Variants in DCAF8 observed in about 807,000 individuals in gnomAD.
DCAF8 encodes DDB1 and CUL4 associated factor 8, also known as DDB1- and CUL4-associated factor 8.
In DCAF8, 20 loss-of-function variants were observed where a neutral mutation model predicts 68.0. The observed-to-expected ratio is 0.29, with a 90% CI of 0.21 to 0.43. The LOEUF (loss-of-function observed/expected upper bound fraction) is 0.43. Ranked by LOEUF, DCAF8 falls within the 20% of genes least tolerant of loss-of-function variation. The pLI, the probability that DCAF8 is intolerant of heterozygous loss-of-function variation, is 1.00. For synonymous variants in DCAF8, 230 were observed against 276.9 expected (o/e 0.83, Z 1.68); for missense variants, 460 against 771.0 (o/e 0.60, Z 4.78).
At chr1:160,219,188 T>C (rs1009317635) in intron 11 of DCAF8, 18 of 543,970 alleles carry the variant, frequency 3.3e-5, no homozygotes, top group Middle Eastern at 9.9e-4. Flanking sequence ...ATTTCCTATG[T>C]ATAGGTCGGG....
chr1:160,237,001 A>T, intron 6 of DCAF8, 134 bp downstream of exon 6: 1 of 563,228 alleles, frequency 1.8e-6, no homozygotes, highest in Non-Finnish European at 3.1e-6. Context: ...AATTCCCCTT[A>T]ACCTTAAACT....
At chr1:160,223,183 C>A (rs1020606107) in intron 10 of DCAF8, among the ~76,000 whole-genome samples, 1 of 152,216 alleles carries the variant, frequency 6.6e-6, no homozygotes, top group Non-Finnish European at 1.5e-5. Flanking sequence ...ATCAGCTGAT[C>A]TGAGACTGAT....
chr1:160,237,473 C>T (rs1340667089), intron 5 of DCAF8, among the ~76,000 whole-genome samples: 1 of 152,200 alleles, frequency 6.6e-6, no homozygotes, highest in African/African-American at 2.4e-5. Context: ...GCTATTTCAA[C>T]TAAGTCCTCA....
At chr1:160,224,679 T>C (rs1655409412) in intron 9 of DCAF8, 130 bp from the exon 10 acceptor site, 3 of 701,180 alleles carry the variant, frequency 4.3e-6, no homozygotes, top group South Asian at 1.7e-5. Context: ...CCCATCTTAT[T>C]TGGAACACCA....
chr1:160,262,094 TTGGGGG>T, intron 1 of DCAF8: 1 of 370,098 alleles, frequency 2.7e-6, no homozygotes, highest in Admixed American at 4.6e-5. Context: ...CGGCTGGCTC[TTGGGGG>T]CAACACCAGG....
intron 6 of DCAF8, among the ~76,000 whole-genome samples, chr1:160,232,813 G>A (rs1190231404): frequency 1.3e-5 from 2 of 152,040 alleles, no homozygotes; most frequent in Non-Finnish European, 2.9e-5. Context: ...GTGAGACCCT[G>A]TCTCAAAAAG....
Position 160,255,867 on chromosome 1 carries a change from G to A in DCAF8, c.-27+5418C>T, listed in dbSNP as rs559758177. On this transcript the variant is annotated intron_variant, in intron 2 of 13. Transcript: ENST00000368074. The stretch of plus-strand genomic sequence containing the variant: ...ACTCCTGACCTCAGGTGATCCGCCC[G>A]TCTCAGCCTCCCAAAATGCTGGGAT... 7.2e-5 allele frequency among the ~76,000 whole-genome samples: 11 copies of A among 151,890 alleles called. No individual in the cohort carries two copies. In the South Asian group the frequency reaches 1.2e-3, roughly 17 times the overall value.
chr1:160,222,904 A>G, intron 10 of DCAF8, 123 bp from the exon 11 acceptor site: 8 of 1,369,786 alleles, frequency 5.8e-6, no homozygotes, highest in Non-Finnish European at 8.0e-6. Flanking sequence ...TGTTTAACAG[A>G]TAGTTATAGG....
chr1:160,243,513 A>G (rs913347638), intron 3 of DCAF8, among the ~76,000 whole-genome samples: 3 of 150,872 alleles, frequency 2.0e-5, no homozygotes, highest in Non-Finnish European at 2.9e-5. Flanking sequence ...CAAAGTGCTG[A>G]GATTATAGGC....
At chr1:160,221,094 A>G (rs775826311) in intron 11 of DCAF8, 11 of 152,236 alleles carry the variant, frequency 7.2e-5, no homozygotes, top group Non-Finnish European at 1.3e-4. Flanking sequence ...CACCTGGGCA[A>G]ATGGGTTAAT....
At chr1:160,261,680 C>T (rs1341511164) in intron 1 of DCAF8, 1 of 152,124 alleles carries the variant, frequency 6.6e-6, no homozygotes, top group Non-Finnish European at 1.5e-5. Context: ...GGGGGAAATC[C>T]CGGAGAGAAT....
intron 5 of DCAF8, among the ~76,000 whole-genome samples, 162 bp from the exon 6 acceptor site, chr1:160,237,391 C>T (rs1216381036): frequency 6.6e-6 from 1 of 152,190 alleles, no homozygotes; most frequent in Non-Finnish European, 1.5e-5. Flanking sequence ...AATCTAAGCC[C>T]ACTTACTCTT....
At position 160,239,784 on chromosome 1, in the gene DCAF8, G is replaced by A. The variant is rs375267419; in HGVS notation, c.636C>T (p.Ser212=). The A allele has an allele frequency of 4.3e-5, 69 of 1,613,940 alleles. No homozygotes were observed. Among genetic ancestry groups the A allele is most frequent in the Middle Eastern group, 1.6e-4 (1 of 6,082 alleles). The change falls in exon 4 of 14, where the codon AGC becomes AGT. Residue 212 remains serine, a synonymous_variant. Coordinates refer to ENST00000368074, the MANE Select transcript of DCAF8 (RefSeq NM_015726.4). ...CCCACACCACCACCTTCAGGTCATC[G>A]CTGCCACTGGCCAGCCAGGTGCCGC... ...NQRGTWLASG[S]DDLKVVVWDW...
rs1557838223 is a variant in DCAF8 at position 160,244,027 on chromosome 1, T to C, written c.-19A>G. 6.2e-7 allele frequency: 1 copy of C among 1,614,140 alleles called. No individual in the cohort carries two copies. The highest frequency in any genetic ancestry group is 1.6e-4 in the Middle Eastern group (1 of 6,062). Reference sequence around the variant, plus strand: ...TGGACATCTTGAATGATGTTTGCTGTAGCCAGCCTGGGTTTGGGAGAGGAA... The same window carrying C: ...TGGACATCTTGAATGATGTTTGCTGCAGCCAGCCTGGGTTTGGGAGAGGAA... On this transcript the variant is annotated 5_prime_UTR_variant, in exon 3 of 14. Transcript: ENST00000368074.
chr1:160,258,808 G>A (rs1158623473), intron 2 of DCAF8, among the ~76,000 whole-genome samples: 3 of 152,110 alleles, frequency 2.0e-5, no homozygotes, highest in Non-Finnish European at 4.4e-5. Flanking sequence ...CCACAGACTA[G>A]AAATACTGAT....
intron 2 of DCAF8, among the ~76,000 whole-genome samples, chr1:160,253,140 G>C (rs576797613): frequency 1.3e-5 from 2 of 152,300 alleles, no homozygotes; most frequent in East Asian, 3.9e-4. Context: ...AAGGAGAGCA[G>C]AGAGAAAAAT....
chr1:160,224,691 G>A, intron 9 of DCAF8, 142 bp from the exon 10 acceptor site: 1 of 673,198 alleles, frequency 1.5e-6, no homozygotes, highest in Non-Finnish European at 2.6e-6. Context: ...GGAACACCAG[G>A]CAAGTCCGAC....
intron 6 of DCAF8, among the ~76,000 whole-genome samples, chr1:160,233,598 G>A (rs1655769078): frequency 6.6e-6 from 1 of 152,170 alleles, no homozygotes; most frequent in Admixed American, 6.5e-5. Flanking sequence ...AGGAGCTGAT[G>A]CTGCTCCTTC....
chr1:160,239,599 T>C, intron 4 of DCAF8, 98 bp downstream of exon 4: 1 of 1,611,952 alleles, frequency 6.2e-7, no homozygotes, highest in South Asian at 1.1e-5. Flanking sequence ...ATGTAATTCC[T>C]ACAATAACTC....
Sources: allele counts gnomAD v4.1 joint callset (sites outside exome capture counted in the v4.1 genomes callset), GRCh38; gene constraint gnomAD v4.1.1; transcripts MANE v1.5; gene names NCBI Gene and HGNC (gene_info 2026-07-23, HGNC 2026-07-21).